Variants in IKBIP observed in about 807,000 individuals in gnomAD.
The protein encoded by IKBIP is inhibitor of nuclear factor kappa-B kinase-interacting protein.
Under a neutral mutation model 31.0 loss-of-function variants are expected in IKBIP, and 28 were observed. The ratio of observed to expected loss-of-function variants is 0.90; its 90% CI spans 0.67 to 1.24. IKBIP has a LOEUF of 1.24. Ranked by LOEUF, IKBIP falls within the 50% of genes most tolerant of loss-of-function variation. The probability of loss-of-function intolerance (pLI) is 0.00; values close to 1 mark genes in which losing one functional copy is unlikely to be tolerated. For synonymous variants in IKBIP, 164 were observed against 160.3 expected (o/e 1.02, Z -0.17); for missense variants, 453 against 441.9 (o/e 1.03, Z -0.23).
chr12:98,633,540 G>A (rs1299875412), intron 2 of IKBIP, among the ~76,000 whole-genome samples: 7 of 97,952 alleles, frequency 7.1e-5, no homozygotes, highest in African/African-American at 2.5e-4. Context: ...TTTTTGAGAC[G>A]GATCCTCGCT....
At chr12:98,618,816 T>C (rs2097607928) in intron 2 of IKBIP, among the ~76,000 whole-genome samples, 2 of 152,182 alleles carry the variant, frequency 1.3e-5, no homozygotes, top group Non-Finnish European at 2.9e-5. Context: ...TTATTTTGGT[T>C]ATCATACATT....
Position 98,624,618 on chromosome 12 carries a change from C to T in IKBIP, c.*1312G>A. On this transcript the variant is annotated 3_prime_UTR_variant, in exon 3 of 3. Coordinates refer to ENST00000299157, the MANE Select transcript of IKBIP (RefSeq NM_153687.4). ...TTATTGACAAAGAAACAAGAACAAA[C>T]TTCCATATTGCAGTTGACTACATTA... The T allele has an allele frequency of 4.5e-6, 4 of 892,776 alleles. No homozygotes were observed. Among genetic ancestry groups the T allele is most frequent in the Non-Finnish European group, 5.4e-6 (4 of 745,558 alleles). The allele number at this position is 892,776 out of a possible 1,614,324, so 55.3% of individuals were successfully genotyped here. A position where few individuals can be genotyped will look rare whatever the true frequency, so the allele number is the denominator to read the frequency against.
At chr12:98,623,804 G>A (rs139478519), downstream of IKBIP, among the ~76,000 whole-genome samples, 85 of 151,100 alleles carry the variant, frequency 5.6e-4, 5 homozygotes, top group African/African-American at 1.9e-3. Context: ...GACTAACAAT[G>A]TAATTTAATA....
chr12:98,615,770 G>T (rs1156973399), intron 2 of IKBIP, among the ~76,000 whole-genome samples: 3 of 151,816 alleles, frequency 2.0e-5, no homozygotes, highest in Admixed American at 1.3e-4. Flanking sequence ...TCTGTGCCTG[G>T]TTCATTCCAC....
At chr12:98,642,438 C>T (rs1418258305) in intron 1 of IKBIP, among the ~76,000 whole-genome samples, 1 of 152,104 alleles carries the variant, frequency 6.6e-6, no homozygotes, top group Non-Finnish European at 1.5e-5. Flanking sequence ...GCGCAAGCCA[C>T]TGCACCTGGC....
At chr12:98,616,388 C>T (rs1306339809) in intron 2 of IKBIP, among the ~76,000 whole-genome samples, 1 of 151,926 alleles carries the variant, frequency 6.6e-6, no homozygotes, top group Non-Finnish European at 1.5e-5. Flanking sequence ...GGATATTAAG[C>T]CATTCTCAGA....
In IKBIP at chr12:98,634,416, G is replaced by A; in HGVS notation, c.180-3C>T. On this transcript the variant is annotated splice_region_variant and splice_polypyrimidine_tract_variant and intron_variant, in intron 1 of 2. Coordinates refer to ENST00000299157, the MANE Select transcript of IKBIP (RefSeq NM_153687.4). ...TTTCTGACTGCTGAAATACAAACCT[G>A]GAAAAGAAAAGAAAAATCACTATTC... The A allele has an allele frequency of 6.9e-7, 1 of 1,455,820 alleles. No individual in the cohort carries two copies. Among genetic ancestry groups the A allele is most frequent in the Non-Finnish European group, 9.6e-7 (1 of 1,043,720 alleles). 90.2% of individuals were successfully genotyped at this position (1,455,820 alleles called of 1,614,324 possible). A position where few individuals can be genotyped will look rare whatever the true frequency, so the allele number is the denominator to read the frequency against.
intron 1 of IKBIP, among the ~76,000 whole-genome samples, chr12:98,636,740 G>A (rs2097625989): frequency 6.6e-6 from 1 of 152,004 alleles, no homozygotes; most frequent in Non-Finnish European, 1.5e-5. Context: ...TGAGATGGAA[G>A]GGTGAACATA....
downstream of IKBIP, among the ~76,000 whole-genome samples, chr12:98,621,796 G>A (rs980842364): frequency 6.6e-6 from 1 of 152,012 alleles, no homozygotes; most frequent in Non-Finnish European, 1.5e-5. Context: ...CGATAATGAA[G>A]GCTGGACGCG....
intron 1 of IKBIP, among the ~76,000 whole-genome samples, chr12:98,641,838 G>C (rs1243657373): frequency 1.3e-5 from 2 of 151,986 alleles, no homozygotes; most frequent in Non-Finnish European, 2.9e-5. Context: ...AAAATTTTTC[G>C]TAGACACGGT....
intron 2 of IKBIP, among the ~76,000 whole-genome samples, chr12:98,631,583 G>A (rs1465906607): frequency 1.4e-5 from 2 of 141,600 alleles, no homozygotes; most frequent in African/African-American, 5.0e-5. Context: ...GCCCAGCCTG[G>A]CCAACATGGT....
chr12:98,617,306 T>C (rs1028390885), intron 2 of IKBIP, among the ~76,000 whole-genome samples: 8 of 152,342 alleles, frequency 5.3e-5, no homozygotes, highest in Middle Eastern at 3.4e-3. Context: ...TCATCCTTCT[T>C]CCCCACTATA....
intron 2 of IKBIP, among the ~76,000 whole-genome samples, chr12:98,633,288 T>G (rs975503823): frequency 6.6e-6 from 1 of 152,180 alleles, no homozygotes; most frequent in Non-Finnish European, 1.5e-5. Context: ...GATGCCTTAT[T>G]GATCACAGCT....
At chr12:98,644,491 A>C in intron 1 of IKBIP, 32 bp downstream of exon 1, 1 of 1,544,388 alleles carries the variant, frequency 6.5e-7, no homozygotes, top group Non-Finnish European at 8.7e-7. Flanking sequence ...GGCCCACAGG[A>C]GGCCGGCCCA....
At chr12:98,643,640 G>C (rs2097633328) in intron 1 of IKBIP, among the ~76,000 whole-genome samples, 1 of 152,036 alleles carries the variant, frequency 6.6e-6, no homozygotes, top group South Asian at 2.1e-4. Context: ...ACTGCAACTG[G>C]TTAGTTTTAA....
At chr12:98,614,391 T>C in intron 2 of IKBIP, 2 of 947,430 alleles carry the variant, frequency 2.1e-6, no homozygotes, top group Middle Eastern at 3.5e-4. Flanking sequence ...AAGCTTACCA[T>C]TTAAAATTCA....
At chr12:98,627,648 G>C (rs376449294) in intron 2 of IKBIP, among the ~76,000 whole-genome samples, 26 of 152,056 alleles carry the variant, frequency 1.7e-4, no homozygotes, top group African/African-American at 5.5e-4. Flanking sequence ...CCGTGTCAGC[G>C]AGGATGGTCT....
chr12:98,640,384 G>A (rs1472035778), intron 1 of IKBIP, among the ~76,000 whole-genome samples: 1 of 152,096 alleles, frequency 6.6e-6, no homozygotes, highest in Non-Finnish European at 1.5e-5. Context: ...AGGTTGCGGT[G>A]AGCTGAGATT....
chr12:98,625,207 C>T lies in IKBIP; in HGVS notation c.*723G>A. 7.1e-6 allele frequency: 7 copies of T among 979,980 alleles called. No individual in the cohort carries two copies. Among genetic ancestry groups the T allele is most frequent in the Non-Finnish European group, 8.5e-6 (7 of 824,986 alleles). The allele number at this position is 979,980 out of a possible 1,614,324, so 60.7% of individuals were successfully genotyped here. ...TAAAGATATTTCAAAGATTTATATA[C>T]ACATAATTCCTAAGAAAGGCCTTAT... On this transcript the variant is annotated 3_prime_UTR_variant, in exon 3 of 3. Coordinates refer to ENST00000299157, the MANE Select transcript of IKBIP (RefSeq NM_153687.4).
Sources: gnomAD v4.1 joint callset for allele counts (sites outside exome capture counted in the v4.1 genomes callset) on GRCh38, gnomAD v4.1.1 for gene constraint, MANE v1.5 for transcripts, NCBI Gene and HGNC (gene_info 2026-07-23, HGNC 2026-07-21) for gene names.